Variants in MID2 observed in about 807,000 individuals in gnomAD.
MID2 encodes the protein probable E3 ubiquitin-protein ligase MID2.
Under a neutral mutation model 46.1 loss-of-function variants are expected in MID2, and 13 were observed. The observed-to-expected ratio is 0.28, with a 90% CI of 0.18 to 0.45. The LOEUF (loss-of-function observed/expected upper bound fraction) is 0.45, where lower values mean the gene tolerates loss of function less well. Among genes scored for constraint, MID2 ranks in the 20% least tolerant of loss-of-function variants. The pLI, the probability that MID2 is intolerant of heterozygous loss-of-function variation, is 1.00. For synonymous variants in MID2, 199 were observed against 212.3 expected (o/e 0.94, Z 0.55); for missense variants, 431 against 575.4 (o/e 0.75, Z 2.57).
intron 3 of MID2, among the ~76,000 whole-genome samples, chrX:107,899,749 T>C (rs965102843): frequency 9.0e-6 from 1 of 111,227 alleles, no homozygotes; most frequent in African/African-American, 3.3e-5. Context: ...AGATTTTTTT[T>C]CCACAGACAT....
rs748947060 is a variant in MID2 at position 107,925,878 on chromosome X, C to T, written c.1598-216C>T. On this transcript the variant is annotated intron_variant, in intron 8 of 9. Coordinates refer to ENST00000262843, the MANE Select transcript of MID2 (RefSeq NM_012216.4). ...GGAAAATAAACGCCGTTATGAAGGTCGTTTTATGGGAGATTGGCCTTTATT... is the reference window on the plus strand; with the variant it reads ...GGAAAATAAACGCCGTTATGAAGGTTGTTTTATGGGAGATTGGCCTTTATT... 9.0e-4 allele frequency among the ~76,000 whole-genome samples: 99 copies of T among 109,815 alleles called. 1 individual carries two copies. Among genetic ancestry groups the T allele is most frequent in the African/African-American group, 2.9e-3 (89 of 30,222 alleles).
chrX:107,827,993 G>A (rs1930993610), intron 1 of MID2, among the ~76,000 whole-genome samples: 1 of 112,261 alleles, frequency 8.9e-6, no homozygotes. Context: ...CTGATGGGAG[G>A]TGACTGCGTC....
At chrX:107,925,039 T>C (rs1010148869) in intron 8 of MID2, among the ~76,000 whole-genome samples, 1 of 112,712 alleles carries the variant, frequency 8.9e-6, no homozygotes, top group Non-Finnish European at 1.9e-5. Flanking sequence ...CCTGTGTGCA[T>C]TGGCTTCTTG....
chrX:107,924,221 A>G (rs1244653003), intron 7 of MID2, 122 bp from the exon 8 acceptor site: 1 of 650,417 alleles, frequency 1.5e-6, no homozygotes, highest in East Asian at 3.3e-5. Context: ...ATCTTCTAAG[A>G]CTCAAAAGAA....
At chrX:107,890,444 ACAG>A (rs1414981871) in intron 3 of MID2, among the ~76,000 whole-genome samples, 2 of 112,052 alleles carry the variant, frequency 1.8e-5, no homozygotes, top group East Asian at 5.6e-4. Flanking sequence ...ATATTGGTGA[ACAG>A]CAGATGTTGC....
chrX:107,858,840 T>G (rs756454124), intron 3 of MID2, among the ~76,000 whole-genome samples: 25 of 112,426 alleles, frequency 2.2e-4, no homozygotes, highest in East Asian at 1.9e-3. Flanking sequence ...ATACAATGGC[T>G]TAATCCATCC....
chrX:107,846,697 C>T (rs1278258979), intron 2 of MID2, among the ~76,000 whole-genome samples: 1 of 111,794 alleles, frequency 8.9e-6, no homozygotes, highest in Non-Finnish European at 1.9e-5. Flanking sequence ...TTATTATTAA[C>T]AGGACCCTGT....
At chrX:107,827,947 A>G (rs1930992506) in intron 1 of MID2, among the ~76,000 whole-genome samples, 1 of 112,511 alleles carries the variant, frequency 8.9e-6, no homozygotes, top group Non-Finnish European at 1.9e-5. Flanking sequence ...CCCAAATCTT[A>G]TGTACAAATG....
intron 7 of MID2, among the ~76,000 whole-genome samples, chrX:107,918,117 C>G (rs1340482194): frequency 8.9e-6 from 1 of 111,968 alleles, no homozygotes; most frequent in Non-Finnish European, 1.9e-5. Flanking sequence ...AAGCCTCCTG[C>G]CTCTGTCACT....
At chrX:107,915,536 T>A (rs1932955401) in intron 5 of MID2, among the ~76,000 whole-genome samples, 2 of 108,526 alleles carry the variant, frequency 1.8e-5, no homozygotes, top group African/African-American at 6.7e-5. Context: ...GCAACCTGGG[T>A]GACACAGCAA....
chrX:107,854,785 G>A lies in MID2; in HGVS notation c.816+81G>A, dbSNP rs1053356712. On this transcript the variant is annotated intron_variant, in intron 3 of 9. Coordinates refer to ENST00000262843, the MANE Select transcript of MID2 (RefSeq NM_012216.4). ...GGGAGGACTTCAGTTTTGTCAGAGT[G>A]TAGCCTAGTCATTTGGAATGAAGGA... 16 of 661,432 alleles carry A rather than the reference G, an allele frequency of 2.4e-5. No individual in the cohort carries two copies. In the African/African-American group the frequency reaches 3.0e-4, roughly 12 times the overall value. 54.5% of individuals were successfully genotyped at this position (661,432 alleles called of 1,213,427 possible).
chrX:107,830,891 G>T (rs988728953), intron 1 of MID2, among the ~76,000 whole-genome samples: 2 of 111,387 alleles, frequency 1.8e-5, no homozygotes, highest in African/African-American at 6.5e-5. Flanking sequence ...AGAGTTTTCT[G>T]TGGGCTTAAG....
chrX:107,907,171 T>A (rs768728841), intron 5 of MID2, among the ~76,000 whole-genome samples: 77 of 112,102 alleles, frequency 6.9e-4, no homozygotes, highest in African/African-American at 2.4e-3. Flanking sequence ...CTGGAGAAAA[T>A]CACATAACCA....
chrX:107,883,879 T>C (rs1263541759), intron 3 of MID2, among the ~76,000 whole-genome samples: 2 of 112,411 alleles, frequency 1.8e-5, no homozygotes, highest in East Asian at 2.8e-4. Flanking sequence ...GGATGTGAGA[T>C]CTGAACTCAG....
chrX:107,832,960 G>A (rs1931121758), intron 1 of MID2, among the ~76,000 whole-genome samples: 1 of 111,214 alleles, frequency 9.0e-6, no homozygotes, highest in Non-Finnish European at 1.9e-5. Flanking sequence ...ATATTCCCAT[G>A]GGACTCTTCT....
At chrX:107,883,353 A>T (rs1360032110) in intron 3 of MID2, among the ~76,000 whole-genome samples, 6 of 111,778 alleles carry the variant, frequency 5.4e-5, no homozygotes, top group Non-Finnish European at 5.6e-5. Context: ...AGTATAATTT[A>T]AAAAAATGCC....
chrX:107,927,130 AC>A lies in MID2; in HGVS notation c.*58del, dbSNP rs1933196008. The A allele has an allele frequency of 5.8e-6, 6 of 1,034,491 alleles. No homozygotes were observed. The South Asian group carries it at 1.5e-4, about 25-fold the overall frequency. 85.3% of individuals were successfully genotyped at this position (1,034,491 alleles called of 1,213,427 possible). Reference sequence around the variant, plus strand: ...CTAGTTCAGCAGTTCTTCCCCTCCTACACCTAAGTTAGCGTTCAATATACGA... The same window carrying A: ...CTAGTTCAGCAGTTCTTCCCCTCCTAACCTAAGTTAGCGTTCAATATACGA... On this transcript the variant is annotated 3_prime_UTR_variant, in exon 10 of 10. Coordinates refer to ENST00000262843, the MANE Select transcript of MID2 (RefSeq NM_012216.4).
At chrX:107,873,270 C>A (rs1201004034) in intron 3 of MID2, among the ~76,000 whole-genome samples, 1 of 112,419 alleles carries the variant, frequency 8.9e-6, no homozygotes, top group African/African-American at 3.2e-5. Context: ...TGCCTCTTGC[C>A]TTTGGCATAT....
rs1933214211 is a variant in MID2, at chrX:107,927,954, A to T, written c.*881A>T. Among the ~76,000 whole-genome samples, 1 of 111,609 alleles carries T rather than the reference A, an allele frequency of 9.0e-6. No homozygotes were observed. The highest frequency in any genetic ancestry group is 3.3e-5 in the African/African-American group (1 of 30,673). ...ATTTACAGACAAGATTGCACAAGAG[A>T]TGCTGTTGCTGGATAGAAAATTGAT... is the stretch of plus-strand genomic sequence containing the variant. On this transcript the variant is annotated 3_prime_UTR_variant, in exon 10 of 10. Transcript: ENST00000262843.
Sources: allele counts gnomAD v4.1 joint callset (sites outside exome capture counted in the v4.1 genomes callset), GRCh38; gene constraint gnomAD v4.1.1; transcripts MANE v1.5; gene names NCBI Gene and HGNC (gene_info 2026-07-23, HGNC 2026-07-21).